Variants in STPG2 observed in about 807,000 individuals in gnomAD.
STPG2 encodes the protein sperm tail PG-rich repeat containing 2, also known as sperm-tail PG-rich repeat-containing protein 2.
STPG2 carries 56 observed loss-of-function variants against 54.2 expected under a neutral mutation model. The observed-to-expected ratio is 1.03, with a 90% CI of 0.83 to 1.29. The LOEUF (loss-of-function observed/expected upper bound fraction) is 1.29, where lower values mean the gene tolerates loss of function less well. STPG2 is among the 50% of genes most tolerant of loss of function. STPG2 has a pLI of 0.00. For missense variants in STPG2, 596 were observed against 544.9 expected, an observed-to-expected ratio of 1.09 and a Z score of -0.93; for synonymous variants, 200 against 181.8, an observed-to-expected ratio of 1.10 and a Z score of -0.81.
At chr4:97,443,889 G>A (rs936189980) in intron 4 of STPG2, among the ~76,000 whole-genome samples, 1 of 152,078 alleles carries the variant, frequency 6.6e-6, no homozygotes, top group Non-Finnish European at 1.5e-5. Flanking sequence ...TAGAGTTGGA[G>A]ATATCTATCA....
At chr4:97,443,850 C>T (rs1287307744) in intron 4 of STPG2, among the ~76,000 whole-genome samples, 4 of 152,030 alleles carry the variant, frequency 2.6e-5, no homozygotes, top group Non-Finnish European at 5.9e-5. Context: ...AAACAGAAAA[C>T]TAAAACATAA....
chr4:97,828,129 C>T (rs2167550), intron 9 of STPG2, among the ~76,000 whole-genome samples: 1,661 of 152,294 alleles, frequency 0.011, 8 homozygotes, highest in Non-Finnish European at 0.018. Flanking sequence ...CCCTGGTCTG[C>T]AGCTCCCAGT....
At chr4:97,977,924 A>T (rs1262057867) in intron 6 of STPG2, among the ~76,000 whole-genome samples, 1 of 152,220 alleles carries the variant, frequency 6.6e-6, no homozygotes, top group Non-Finnish European at 1.5e-5. Flanking sequence ...TTATTAGAGC[A>T]TGGAGAAATG....
chr4:97,660,088 C>A (rs558903756), intron 10 of STPG2, among the ~76,000 whole-genome samples: 1 of 151,882 alleles, frequency 6.6e-6, no homozygotes, highest in African/African-American at 2.4e-5. Context: ...CTGCAAGCTC[C>A]GCCTCCCGGG....
intron 9 of STPG2, among the ~76,000 whole-genome samples, chr4:97,812,907 C>CT (rs1164277268): frequency 7.9e-5 from 12 of 152,168 alleles, no homozygotes; most frequent in Non-Finnish European, 1.8e-4. Context: ...ATATCTTTCT[C>CT]TTTTTACATC....
At chr4:97,478,939 C>A (rs900042221) in intron 4 of STPG2, among the ~76,000 whole-genome samples, 8 of 145,960 alleles carry the variant, frequency 5.5e-5, no homozygotes, top group African/African-American at 2.0e-4. Flanking sequence ...TGTGAAAGAC[C>A]AGGCAATATA....
chr4:98,112,605 T>G (rs1191862738), intron 3 of STPG2, among the ~76,000 whole-genome samples: 4 of 152,158 alleles, frequency 2.6e-5, no homozygotes, highest in Non-Finnish European at 4.4e-5. Flanking sequence ...AGACCTTTGT[T>G]GATTCTTTTT....
intron 5 of STPG2, among the ~76,000 whole-genome samples, chr4:98,100,673 T>TTTG (rs1739002075): frequency 7.1e-6 from 1 of 140,646 alleles, no homozygotes; most frequent in Non-Finnish European, 1.5e-5. Flanking sequence ...TTTTTTTTTT[T>TTTG]TTTTTTTTTT....
intron 9 of STPG2, among the ~76,000 whole-genome samples, chr4:97,743,063 T>A (rs985193661): frequency 6.6e-6 from 1 of 151,760 alleles, no homozygotes; most frequent in Non-Finnish European, 1.5e-5. Context: ...AGCTATTATG[T>A]CATAAAAACA....
intron 8 of STPG2, among the ~76,000 whole-genome samples, chr4:97,930,024 C>T (rs1462328303): frequency 3.9e-5 from 6 of 152,018 alleles, no homozygotes; most frequent in South Asian, 2.1e-4. Flanking sequence ...CTCAGCCTCC[C>T]GATACCTGGG....
chr4:97,701,571 C>T (rs1193061586), intron 10 of STPG2, among the ~76,000 whole-genome samples: 2 of 152,184 alleles, frequency 1.3e-5, no homozygotes, highest in African/African-American at 4.8e-5. Context: ...GCCTCCCCAT[C>T]ATTCAAGGGG....
At chr4:97,725,943 G>A (rs1484864947) in intron 9 of STPG2, among the ~76,000 whole-genome samples, 1 of 151,826 alleles carries the variant, frequency 6.6e-6, no homozygotes, top group Non-Finnish European at 1.5e-5. Context: ...AAATCAAAAT[G>A]CCTTCTGATC....
At chr4:97,874,882 A>G (rs555175845) in intron 8 of STPG2, among the ~76,000 whole-genome samples, 2 of 152,036 alleles carry the variant, frequency 1.3e-5, no homozygotes, top group South Asian at 4.1e-4. Flanking sequence ...TCTCTCCGCC[A>G]TATGAGGATA....
chr4:97,755,125 C>T (rs930234469), intron 9 of STPG2, among the ~76,000 whole-genome samples: 1 of 152,162 alleles, frequency 6.6e-6, no homozygotes, highest in Non-Finnish European at 1.5e-5. Flanking sequence ...GAAGAGCATA[C>T]TTTCTCGCAT....
intron 9 of STPG2, among the ~76,000 whole-genome samples, chr4:97,838,710 A>T (rs966559582): frequency 6.6e-6 from 1 of 151,502 alleles, no homozygotes; most frequent in Non-Finnish European, 1.5e-5. Context: ...TACTAAATCT[A>T]TTTTAGAGCA....
intron 8 of STPG2, among the ~76,000 whole-genome samples, chr4:97,934,606 T>C (rs1732679499): frequency 6.6e-6 from 1 of 152,202 alleles, no homozygotes; most frequent in Non-Finnish European, 1.5e-5. Context: ...TTTCTGTGTT[T>C]ATTGAAATAA....
chr4:98,019,852 T>C (rs1233886614), intron 5 of STPG2, among the ~76,000 whole-genome samples: 4 of 118,856 alleles, frequency 3.4e-5, no homozygotes. Flanking sequence ...GTTTGTGATT[T>C]TTTTACATTG....
chr4:98,030,846 A>G (rs1230116403), intron 5 of STPG2, among the ~76,000 whole-genome samples: 1 of 152,230 alleles, frequency 6.6e-6, no homozygotes, highest in Admixed American at 6.5e-5. Context: ...CAGAAGACTG[A>G]AACTGGGCCC....
chr4:97,890,661 CA>C (rs1287626911), intron 8 of STPG2, among the ~76,000 whole-genome samples: 1 of 151,548 alleles, frequency 6.6e-6, no homozygotes, highest in East Asian at 1.9e-4. Flanking sequence ...TTATATATTT[CA>C]AAAAACAGCT....
Sources: gnomAD v4.1 joint callset for allele counts (sites outside exome capture counted in the v4.1 genomes callset) on GRCh38, gnomAD v4.1.1 for gene constraint, MANE v1.5 for transcripts, NCBI Gene and HGNC (gene_info 2026-07-23, HGNC 2026-07-21) for gene names.